Variants in PRKCH observed in about 807,000 individuals in gnomAD.
The protein encoded by PRKCH is protein kinase C eta type.
PRKCH carries 28 observed loss-of-function variants against 82.5 expected under a neutral mutation model. The observed-to-expected ratio is 0.34, with a 90% CI of 0.25 to 0.47. The LOEUF is 0.47. PRKCH is among the 20% of genes least tolerant of loss of function. The probability of loss-of-function intolerance (pLI) is 1.00; values close to 1 mark genes in which losing one functional copy is unlikely to be tolerated. For missense variants in PRKCH, 705 were observed against 881.8 expected (o/e 0.80, Z 2.54); for synonymous variants, 322 against 327.4 (o/e 0.98, Z 0.18).
intron 1 of PRKCH, among the ~76,000 whole-genome samples, chr14:61,245,361 C>T (rs2044870531): frequency 6.6e-6 from 1 of 152,178 alleles, no homozygotes; most frequent in Admixed American, 6.6e-5. Context: ...TTCCCCACCA[C>T]CACCCTCAAG....
intron 10 of PRKCH, among the ~76,000 whole-genome samples, chr14:61,518,621 C>T (rs138509514): frequency 6.6e-6 from 1 of 152,032 alleles, no homozygotes; most frequent in African/African-American, 2.4e-5. Flanking sequence ...TTTTTTCTAC[C>T]GTGAGACAAA....
intron 12 of PRKCH, among the ~76,000 whole-genome samples, chr14:61,547,411 G>A (rs937272327): frequency 1.3e-5 from 2 of 152,084 alleles, no homozygotes; most frequent in African/African-American, 4.8e-5. Context: ...TGCAGTGTTG[G>A]GGAAAGGCAC....
At position 61,370,088 on chromosome 14, in the gene PRKCH, C is replaced by T. The variant is rs558546709; in HGVS notation, c.364-21137C>T. On this transcript the variant is annotated intron_variant, in intron 1 of 13. Transcript: ENST00000332981. ...CCTCCCAAGTAATTGGGATTACAGGCGCCCATCACCACACCTGGCTAATTT... is the reference window on the plus strand; with the variant it reads ...CCTCCCAAGTAATTGGGATTACAGGTGCCCATCACCACACCTGGCTAATTT... Among the ~76,000 whole-genome samples, 72 of 151,970 alleles carry T rather than the reference C, an allele frequency of 4.7e-4. 1 individual carries two copies. The highest frequency in any genetic ancestry group is 1.5e-3 in the African/African-American group (63 of 41,348).
At chr14:61,490,028 A>G (rs1335189018) in intron 10 of PRKCH, among the ~76,000 whole-genome samples, 4 of 152,336 alleles carry the variant, frequency 2.6e-5, no homozygotes, top group East Asian at 1.9e-4. Flanking sequence ...CCTCCTCACC[A>G]TGTTACCCCT....
intron 1 of PRKCH, among the ~76,000 whole-genome samples, chr14:61,201,399 T>C (rs1285001519): frequency 6.6e-6 from 1 of 152,206 alleles, no homozygotes; most frequent in African/African-American, 2.4e-5. Context: ...ACTTCTATGA[T>C]ATATTGCTTC....
intron 1 of PRKCH, among the ~76,000 whole-genome samples, chr14:61,249,723 C>G (rs894934670): frequency 1.3e-5 from 2 of 151,786 alleles, no homozygotes; most frequent in Admixed American, 1.3e-4. Context: ...TGGATTCAAG[C>G]GATTCTCCTG....
chr14:61,516,782 A>T (rs2042834866), intron 10 of PRKCH, among the ~76,000 whole-genome samples: 1 of 152,162 alleles, frequency 6.6e-6, no homozygotes, highest in Non-Finnish European at 1.5e-5. Flanking sequence ...CTAGCCCGTG[A>T]TTGACATTCT....
chr14:61,441,939 T>C (rs1883996733), intron 2 of PRKCH, among the ~76,000 whole-genome samples: 1 of 152,038 alleles, frequency 6.6e-6, no homozygotes, highest in African/African-American at 2.4e-5. Flanking sequence ...CATGAGCTAC[T>C]GTACCCGGCC....
Position 61,492,671 on chromosome 14 carries a change from C to T in PRKCH, c.1433+7015C>T, listed in dbSNP as rs190915963. On this transcript the variant is annotated intron_variant, in intron 10 of 13. Coordinates refer to ENST00000332981, the MANE Select transcript of PRKCH (RefSeq NM_006255.5). ...CAGAACATATTTCCTGAGCTGCCACCTAGTGCCGGATGTTGCATTAGGAGG... is the reference window on the plus strand; with the variant it reads ...CAGAACATATTTCCTGAGCTGCCACTTAGTGCCGGATGTTGCATTAGGAGG... Among the ~76,000 whole-genome samples, 178 of 152,342 alleles carry T rather than the reference C, an allele frequency of 1.2e-3. 2 individuals are homozygous for T. The highest frequency in any genetic ancestry group is 4.0e-3 in the African/African-American group (166 of 41,582).
At chr14:61,210,161 T>TATATATATAAAA (rs1555369165) in intron 1 of PRKCH, among the ~76,000 whole-genome samples, 1 of 95,150 alleles carries the variant, frequency 1.1e-5, no homozygotes, top group Non-Finnish European at 2.2e-5. Flanking sequence ...TATATATATA[T>TATATATATAAAA]AAATTAGCTT....
chr14:61,245,938 C>T lies in PRKCH; in HGVS notation c.-19+58270C>T, dbSNP rs142167969. Among the ~76,000 whole-genome samples, 237 of 152,164 alleles carry T rather than the reference C, an allele frequency of 1.6e-3. 6 individuals are homozygous for T. The East Asian group carries it at 0.038, about 24-fold the overall frequency. On this transcript the variant is annotated intron_variant, in intron 1 of 3. Transcript: ENST00000555185. ...ACCTATTTCTGTTTCTCAGTCATAC[C>T]CAAACATTAGTGGTCGCTGGTCTTT... is the stretch of plus-strand genomic sequence containing the variant.
intron 1 of PRKCH, among the ~76,000 whole-genome samples, chr14:61,221,421 CT>C (rs377624991): frequency 4.6e-4 from 70 of 151,986 alleles, no homozygotes; most frequent in African/African-American, 1.6e-3. Flanking sequence ...TCCCTTTTTC[CT>C]TCTTGGTTTG....
At chr14:61,206,355 C>T (rs931508095) in intron 1 of PRKCH, among the ~76,000 whole-genome samples, 2 of 152,206 alleles carry the variant, frequency 1.3e-5, no homozygotes, top group African/African-American at 4.8e-5. Flanking sequence ...CTGCATCACT[C>T]TAATCCCTGC....
chr14:61,254,388 G>A (rs112679533), intron 1 of PRKCH, among the ~76,000 whole-genome samples: 6,100 of 152,250 alleles, frequency 0.04, 163 homozygotes, highest in Non-Finnish European at 0.058. Flanking sequence ...CAAGGTAGGA[G>A]GATTGCTTGA....
chr14:61,535,204 C>T (rs757183772), intron 12 of PRKCH, among the ~76,000 whole-genome samples: 10 of 152,110 alleles, frequency 6.6e-5, no homozygotes, highest in African/African-American at 9.7e-5. Context: ...CTGCAATACT[C>T]AGGTTCTGTG....
At chr14:61,512,010 C>G (rs1471142036) in intron 10 of PRKCH, among the ~76,000 whole-genome samples, 1 of 152,092 alleles carries the variant, frequency 6.6e-6, no homozygotes, top group Non-Finnish European at 1.5e-5. Context: ...TCATGTTTTT[C>G]AGATCTTGAA....
intron 1 of PRKCH, among the ~76,000 whole-genome samples, chr14:61,339,908 G>A (rs1283381236): frequency 6.6e-6 from 1 of 151,652 alleles, no homozygotes; most frequent in Non-Finnish European, 1.5e-5. Context: ...TGGTCTCCAA[G>A]TGCGGGGCTC....
chr14:61,464,605 C>T (rs1020758586), intron 9 of PRKCH, among the ~76,000 whole-genome samples: 6 of 152,118 alleles, frequency 3.9e-5, no homozygotes, highest in Non-Finnish European at 2.9e-5. Flanking sequence ...CCTGTGTTCT[C>T]ATTGTTCAAC....
chr14:61,210,249 G>A (rs1299417313), intron 1 of PRKCH, among the ~76,000 whole-genome samples: 3 of 150,658 alleles, frequency 2.0e-5, no homozygotes, highest in Non-Finnish European at 4.4e-5. Context: ...GGGAGGCGGA[G>A]GTTACAGTAA....
Sources: gnomAD v4.1 joint callset for allele counts (sites outside exome capture counted in the v4.1 genomes callset) on GRCh38, gnomAD v4.1.1 for gene constraint, MANE v1.5 for transcripts, NCBI Gene and HGNC (gene_info 2026-07-23, HGNC 2026-07-21) for gene names.